Variants in HMMR observed in about 807,000 individuals in gnomAD.
The protein encoded by HMMR is hyaluronan mediated motility receptor.
HMMR carries 108 observed loss-of-function variants against 101.0 expected under a neutral mutation model. The ratio of observed to expected loss-of-function variants is 1.07; its 90% CI spans 0.92 to 1.25. The LOEUF (loss-of-function observed/expected upper bound fraction) is 1.25, where lower values mean the gene tolerates loss of function less well. Ranked by LOEUF, HMMR falls within the 50% of genes most tolerant of loss-of-function variation. The pLI, the probability that HMMR is intolerant of heterozygous loss-of-function variation, is 0.00. For synonymous variants in HMMR, 296 were observed against 276.4 expected, an observed-to-expected ratio of 1.07 and a Z score of -0.70; for missense variants, 813 against 788.7, an observed-to-expected ratio of 1.03 and a Z score of -0.37.
chr5:163,465,459 C>T (rs1230124561), intron 3 of HMMR, among the ~76,000 whole-genome samples: 1 of 152,142 alleles, frequency 6.6e-6, no homozygotes, highest in African/African-American at 2.4e-5. Context: ...CTCAGCCTCC[C>T]CAGTAGCTGG....
chr5:163,473,063 GAGTT>G (rs1758946055), intron 7 of HMMR, 112 bp from the exon 8 acceptor site: 4 of 580,444 alleles, frequency 6.9e-6, no homozygotes, highest in Non-Finnish European at 9.4e-6. Context: ...TAATAGTTAA[GAGTT>G]AGGGCTCTGT....
chr5:163,461,974 C>A (rs1758554825), intron 1 of HMMR, among the ~76,000 whole-genome samples: 1 of 152,190 alleles, frequency 6.6e-6, no homozygotes, highest in South Asian at 2.1e-4. Flanking sequence ...CTATCATACA[C>A]TATTTCGTGG....
chr5:163,470,354 G>C (rs1411536882), intron 5 of HMMR, among the ~76,000 whole-genome samples: 1 of 152,138 alleles, frequency 6.6e-6, no homozygotes, highest in Non-Finnish European at 1.5e-5. Context: ...AGCCACAGTG[G>C]CTCACACCTG....
intron 2 of HMMR, 76 bp downstream of exon 2, chr5:163,464,030 T>C (rs1758623032): frequency 4.2e-6 from 2 of 476,746 alleles, no homozygotes; most frequent in Non-Finnish European, 3.7e-6. Context: ...TATTTAAAGA[T>C]GTTATAGCAT....
At chr5:163,476,153 A>C (rs908070061) in intron 11 of HMMR, among the ~76,000 whole-genome samples, 11 of 152,058 alleles carry the variant, frequency 7.2e-5, no homozygotes, top group African/African-American at 2.4e-4. Context: ...TCTCTACTAA[A>C]AATTAAAAAA....
intron 16 of HMMR, among the ~76,000 whole-genome samples, chr5:163,488,363 T>G (rs980839462): frequency 5.9e-5 from 9 of 152,136 alleles, no homozygotes; most frequent in African/African-American, 2.2e-4. Context: ...AGACATTTTT[T>G]CTCCTTGTGT....
intron 16 of HMMR, among the ~76,000 whole-genome samples, 194 bp from the exon 17 acceptor site, chr5:163,490,196 G>A (rs757232862): frequency 8.5e-5 from 13 of 152,140 alleles, no homozygotes; most frequent in Non-Finnish European, 1.6e-4. Flanking sequence ...AGATTTAAAA[G>A]ACTGTATCTC....
chr5:163,463,995 TAA>T, intron 2 of HMMR, 41 bp downstream of exon 2: 1 of 654,904 alleles, frequency 1.5e-6, no homozygotes, highest in Non-Finnish European at 2.5e-6. Flanking sequence ...TGTGATCTTA[TAA>T]GTTTTAAAGT....
rs567480698 is a variant in HMMR at position 163,476,592 on chromosome 5, A to G, written c.1268+920A>G. Reference sequence around the variant, plus strand: ...TGAGGCTGTAATGCTCAACGATTATACCTGTTAATAGCCATGGCACTCTAG... The same window carrying G: ...TGAGGCTGTAATGCTCAACGATTATGCCTGTTAATAGCCATGGCACTCTAG... On this transcript the variant is annotated intron_variant, in intron 11 of 17. Coordinates refer to ENST00000393915, the MANE Select transcript of HMMR (RefSeq NM_001142556.2). Among the ~76,000 whole-genome samples the G allele has an allele frequency of 3.9e-5, 6 of 152,242 alleles. No individual in the cohort carries two copies. In the South Asian group the frequency reaches 1.0e-3, roughly 26 times the overall value.
At chr5:163,481,785 C>CA (rs1337822169) in intron 12 of HMMR, among the ~76,000 whole-genome samples, 2 of 152,206 alleles carry the variant, frequency 1.3e-5, no homozygotes, top group Admixed American at 1.3e-4. Flanking sequence ...CCTCCTTTAT[C>CA]ACTCACCTGG....
At chr5:163,462,720 C>G (rs755280366) in intron 1 of HMMR, among the ~76,000 whole-genome samples, 1 of 149,936 alleles carries the variant, frequency 6.7e-6, no homozygotes, top group South Asian at 2.1e-4. Flanking sequence ...CCCAGCTACT[C>G]GGGAGGCTGA....
chr5:163,482,713 C>T lies in HMMR; in HGVS notation c.1457C>T (p.Ala486Val). 3.1e-6 allele frequency: 5 copies of T among 1,613,290 alleles called. No individual in the cohort carries two copies. The highest frequency in any genetic ancestry group is 4.2e-6 in the Non-Finnish European group (5 of 1,179,462). The change falls in exon 13 of 18, where the codon GCC becomes GTC. Residue 486 changes from alanine to valine, a missense_variant. Physicochemically the swap from Ala to Val is moderately conservative, Grantham distance 64 (BLOSUM62 0). Coordinates refer to ENST00000393915, the MANE Select transcript of HMMR (RefSeq NM_001142556.2). Reference protein sequence around the residue: ...LENSSLQEKAAKAGKNAEDVQ... With the variant: ...LENSSLQEKAVKAGKNAEDVQ... ...AACTCATCATTACAGGAAAAAGCGGCCAAGGCTGGGAAAAATGCAGAGGAT... is the reference window on the plus strand; with the variant it reads ...AACTCATCATTACAGGAAAAAGCGGTCAAGGCTGGGAAAAATGCAGAGGAT...
intron 4 of HMMR, among the ~76,000 whole-genome samples, chr5:163,468,522 A>G (rs950898148): frequency 2.6e-5 from 4 of 152,136 alleles, no homozygotes; most frequent in Admixed American, 2.6e-4. Context: ...TATTCTTTCA[A>G]TATATTAAAA....
At position 163,490,716 on chromosome 5, in the gene HMMR, T is replaced by C. The variant is rs573973196; in HGVS notation, c.2125+164T>C. On this transcript the variant is annotated intron_variant, in intron 17 of 17. Coordinates refer to ENST00000393915, the MANE Select transcript of HMMR (RefSeq NM_001142556.2). ...GTACAATGACTGTTTTCTTCCTCCT[T>C]CTACGCTTTCTTTTCTGTATACCTG... 4.6e-5 allele frequency among the ~76,000 whole-genome samples: 7 copies of C among 152,330 alleles called. No individual in the cohort carries two copies. The East Asian group carries it at 1.3e-3, about 29-fold the overall frequency.
At chr5:163,482,962 A>G in intron 13 of HMMR, 58 bp from the exon 14 acceptor site, 2 of 1,483,698 alleles carry the variant, frequency 1.3e-6, no homozygotes, top group African/African-American at 2.8e-5. Flanking sequence ...AAAAAAAAGG[A>G]AAAATTAATG....
intron 1 of HMMR, among the ~76,000 whole-genome samples, chr5:163,461,984 G>T (rs1229030302): frequency 1.3e-5 from 2 of 152,116 alleles, no homozygotes; most frequent in Non-Finnish European, 2.9e-5. Flanking sequence ...CTATTTCGTG[G>T]TTACTCATTA....
chr5:163,478,194 AG>A (rs1459338603), intron 11 of HMMR, among the ~76,000 whole-genome samples: 1 of 152,236 alleles, frequency 6.6e-6, no homozygotes, highest in Non-Finnish European at 1.5e-5. Flanking sequence ...CCATTAAAGA[AG>A]TTATTAAGTC....
chr5:163,463,638 C>T lies in HMMR; in HGVS notation c.47-218C>T, dbSNP rs45507294. Among the ~76,000 whole-genome samples, 514 of 152,220 alleles carry T rather than the reference C, an allele frequency of 3.4e-3. 5 individuals are homozygous for T. Among genetic ancestry groups the T allele is most frequent in the Admixed American group, 6.5e-3 (99 of 15,286 alleles). ...CTCAAAACTGTCGTTTGCTCAGTTG[C>T]CTGTGTTCCTTTGACCCGGTTGATA... On this transcript the variant is annotated intron_variant, in intron 1 of 17. Transcript: ENST00000393915.
At chr5:163,462,449 A>T (rs1273804185) in intron 1 of HMMR, among the ~76,000 whole-genome samples, 9 of 152,070 alleles carry the variant, frequency 5.9e-5, no homozygotes, top group Non-Finnish European at 1.3e-4. Context: ...ACGAAAGAAA[A>T]GTTTCACAAA....
Sources: allele counts gnomAD v4.1 joint callset (sites outside exome capture counted in the v4.1 genomes callset), GRCh38; gene constraint gnomAD v4.1.1; transcripts MANE v1.5; gene names NCBI Gene and HGNC (gene_info 2026-07-23, HGNC 2026-07-21).